The following INTS3 variants were observed in gnomAD, a reference collection of about 807,000 sequenced individuals.
The protein encoded by INTS3 is SOSS complex subunit A.
A neutral mutation model predicts 146.3 loss-of-function variants in INTS3; 34 were observed. The observed-to-expected ratio is 0.23, with a 90% CI of 0.18 to 0.31. The LOEUF is 0.31. INTS3 is among the 10% of genes least tolerant of loss of function. The pLI is 1.00. For missense variants in INTS3, 757 were observed against 1,304.2 expected (o/e 0.58, Z 6.46); for synonymous variants, 475 against 494.9 (o/e 0.96, Z 0.53).
intron 29 of INTS3, 38 bp from the exon 30 acceptor site, chr1:153,773,155 G>A (rs1383075372): frequency 3.7e-6 from 6 of 1,613,648 alleles, no homozygotes; most frequent in Non-Finnish European, 4.2e-6. Flanking sequence ...CAGCTGCCCA[G>A]GCTGTTAACT....
At chr1:153,749,577 T>G (rs1671878189) in intron 6 of INTS3, among the ~76,000 whole-genome samples, 1 of 152,228 alleles carries the variant, frequency 6.6e-6, no homozygotes, top group Non-Finnish European at 1.5e-5. Context: ...CTGCCCTGTC[T>G]GCTGTGCAGT....
intron 10 of INTS3, among the ~76,000 whole-genome samples, chr1:153,758,538 T>A (rs1672247703): frequency 6.6e-6 from 1 of 151,982 alleles, no homozygotes. Context: ...CCGAGCACGG[T>A]GGCTCACGCC....
In INTS3 at chr1:153,760,811, CCTT is replaced by C. The variant is rs750400084; in HGVS notation, c.1318-11_1318-9del. ...GGAGTCCTGTGCTCATTTTTCCCCT[CCTT>C]CTTCGCTTCCAGATCATTCCCAACT... On this transcript the variant is annotated splice_polypyrimidine_tract_variant and intron_variant, in intron 12 of 29. Coordinates refer to ENST00000318967, the MANE Select transcript of INTS3 (RefSeq NM_023015.5). 1.2e-5 allele frequency: 19 copies of C among 1,604,250 alleles called. No homozygotes were observed. Among genetic ancestry groups the C allele is most frequent in the Middle Eastern group, 1.7e-4 (1 of 6,058 alleles).
chr1:153,765,087 A>G (rs1349144259), intron 20 of INTS3, 24 bp downstream of exon 20: 2 of 1,613,948 alleles, frequency 1.2e-6, no homozygotes, highest in Admixed American at 3.3e-5. Context: ...CCATGTTTCA[A>G]ATGGTGTCAG....
At chr1:153,743,442 G>T (rs1671611381) in intron 3 of INTS3, among the ~76,000 whole-genome samples, 1 of 152,214 alleles carries the variant, frequency 6.6e-6, no homozygotes, top group African/African-American at 2.4e-5. Context: ...GCCTCTGTTA[G>T]TACTGGCAGG....
At chr1:153,750,814 T>A (rs1172952162) in intron 6 of INTS3, 2 of 435,160 alleles carry the variant, frequency 4.6e-6, no homozygotes, top group Non-Finnish European at 8.2e-6. Context: ...GTTATTTTCT[T>A]GGAAGCTAAG....
chr1:153,773,140 G>A (rs1312723531), intron 29 of INTS3, 53 bp from the exon 30 acceptor site: 9 of 1,613,406 alleles, frequency 5.6e-6, no homozygotes, highest in African/African-American at 4.0e-5. Flanking sequence ...TGGAGTCGGC[G>A]CCAGCAGCTG....
chr1:153,761,377 G>A, intron 13 of INTS3, 193 bp from the exon 14 acceptor site: 2 of 562,612 alleles, frequency 3.6e-6, no homozygotes, highest in South Asian at 4.6e-5. Flanking sequence ...AGGTGTGATG[G>A]TGCACACCTG....
In INTS3 at chr1:153,763,246, G is replaced by A. The variant is rs1029752271; in HGVS notation, c.1650G>A (p.Glu550=). 1 of 1,614,204 alleles carries A rather than the reference G, an allele frequency of 6.2e-7. No homozygotes were observed. Residue 550 remains glutamate (E), a synonymous_variant, in exon 16 of 30, where the codon GAG becomes GAA. Coordinates refer to ENST00000318967, the MANE Select transcript of INTS3 (RefSeq NM_023015.5). ...CACTCCCTTTAGGAAAGAAGAGGGA[G>A]TTTCGCTTCCACCCTATCAAGGAGA... is the stretch of plus-strand genomic sequence containing the variant. The part of the protein sequence containing the change: ...EDLNSKGKKR[E]FRFHPIKETV...
chr1:153,771,180 G>A (rs1672843695), intron 25 of INTS3, among the ~76,000 whole-genome samples: 1 of 152,242 alleles, frequency 6.6e-6, no homozygotes. Flanking sequence ...CCTTGACAGG[G>A]TGGGGCAGAG....
At chr1:153,767,946 A>T in intron 21 of INTS3, 119 bp downstream of exon 21, 1 of 940,312 alleles carries the variant, frequency 1.1e-6, no homozygotes, top group Admixed American at 3.4e-5. Context: ...TAGGTGGGCC[A>T]TTGCTTCCCA....
chr1:153,755,441 A>G (rs112429058), intron 9 of INTS3, among the ~76,000 whole-genome samples: 3,611 of 152,128 alleles, frequency 0.024, 66 homozygotes, highest in Middle Eastern at 0.078. Flanking sequence ...TGTATTTTTA[A>G]TAGAGACGGG....
Position 153,763,352 on chromosome 1 carries a change from C to T in INTS3, c.1756C>T (p.Gln586Ter), listed in dbSNP as rs1481400992. 6.2e-7 allele frequency: 1 copy of T among 1,614,148 alleles called. No homozygotes were observed. The highest frequency in any genetic ancestry group is 8.5e-7 in the Non-Finnish European group (1 of 1,180,040). ...CCTGAGGGACAAAGTACTCCAGCTA[C>T]AGAAGGGGAGGTGGGTACAGACCTT... ...ESLRDKVLQL[Q>*]KGSDTEAQCE... is the part of the protein sequence containing the mutation. Residue 586 changes from glutamine (Q) to a stop codon, truncating the protein, a stop_gained, in exon 16 of 30, where the codon CAG (glutamine) becomes TAG (stop). Transcript: ENST00000318967. LOFTEE classifies it high-confidence loss of function.
chr1:153,734,532 C>T (rs1671215485), intron 1 of INTS3, among the ~76,000 whole-genome samples: 2 of 152,200 alleles, frequency 1.3e-5, no homozygotes, highest in East Asian at 1.9e-4. Flanking sequence ...CTCTCTGTTC[C>T]AAGAGGCCAC....
chr1:153,757,825 T>G lies in INTS3; in HGVS notation c.1149+62T>G. 1 of 1,454,754 alleles carries G rather than the reference T, an allele frequency of 6.9e-7. No individual in the cohort carries two copies. Among genetic ancestry groups the G allele is most frequent in the East Asian group, 2.3e-5 (1 of 43,762 alleles). The allele number at this position is 1,454,754 out of a possible 1,614,324, so 90.1% of individuals were successfully genotyped here. ...CTTCCATGGTGTTCCCATGTTTCCA[T>G]TCTTCTTCCTGACTCCAGGGCCACT... On this transcript the variant is annotated intron_variant, in intron 10 of 29. Transcript: ENST00000318967. This position sits in a 1 kb window ranked among gnomAD's most constrained non-coding sequence, Gnocchi z 4.0.
chr1:153,768,757 T>C, intron 21 of INTS3, 136 bp from the exon 22 acceptor site: 1 of 661,110 alleles, frequency 1.5e-6, no homozygotes, highest in Non-Finnish European at 2.7e-6. Flanking sequence ...GTTGGATCTC[T>C]GTTTAGGGGT....
chr1:153,765,127 C>G (rs1412819672), intron 20 of INTS3, 64 bp downstream of exon 20: 1 of 1,565,580 alleles, frequency 6.4e-7, no homozygotes, highest in African/African-American at 1.4e-5. Context: ...CTCTTCCACA[C>G]GCTGACTCCC....
chr1:153,772,544 C>G lies in INTS3; in HGVS notation c.2822-95C>G. 1 of 1,610,844 alleles carries G rather than the reference C, an allele frequency of 6.2e-7. No individual in the cohort carries two copies. The highest frequency in any genetic ancestry group is 1.1e-5 in the South Asian group (1 of 90,820). On this transcript the variant is annotated intron_variant, in intron 27 of 29. Transcript: ENST00000318967. This position sits in a 1 kb window ranked among gnomAD's most constrained non-coding sequence, Gnocchi z 4.6. ...GGGGCAGGACACCCGGGGCCACAAC[C>G]CACACTCGGGATAAAACAACCTGTG...
intron 22 of INTS3, among the ~76,000 whole-genome samples, chr1:153,769,530 A>C (rs1204979628): frequency 6.6e-6 from 1 of 151,984 alleles, no homozygotes; most frequent in African/African-American, 2.4e-5. Context: ...CAAGGCTGTA[A>C]CTATTTTTGC....
Sources: allele counts gnomAD v4.1 joint callset (sites outside exome capture counted in the v4.1 genomes callset), GRCh38; gene constraint gnomAD v4.1.1; non-coding constraint Gnocchi (gnomAD v3.1); transcripts MANE v1.5; gene names NCBI Gene and HGNC (gene_info 2026-07-23, HGNC 2026-07-21).